Variants in SV2C observed in about 807,000 individuals in gnomAD.
The protein encoded by SV2C is synaptic vesicle glycoprotein 2C, also known as solute carrier family 22 member B3.
SV2C carries 49 observed loss-of-function variants against 79.7 expected under a neutral mutation model. The observed-to-expected ratio is 0.61, with a 90% CI of 0.49 to 0.78. The LOEUF (loss-of-function observed/expected upper bound fraction) is 0.78, where lower values mean the gene tolerates loss of function less well. SV2C is among the 30% of genes least tolerant of loss of function. SV2C has a pLI of 0.00. For missense variants in SV2C, 833 were observed against 912.9 expected, an observed-to-expected ratio of 0.91 and a Z score of 1.13; for synonymous variants, 334 against 333.2, an observed-to-expected ratio of 1.00 and a Z score of -0.03.
chr5:75,913,694 G>C, the SV2C span, among the ~76,000 whole-genome samples: 1 of 152,168 alleles, frequency 6.6e-6, no homozygotes, highest in Non-Finnish European at 1.5e-5. Context: ...GTGTTGAAAA[G>C]TAACTGGGGA....
chr5:76,128,541 G>T (rs1393866013), intron 1 of SV2C, among the ~76,000 whole-genome samples: 1 of 152,196 alleles, frequency 6.6e-6, no homozygotes, highest in Non-Finnish European at 1.5e-5. Flanking sequence ...ATTTGAGCTT[G>T]AGTCCGGCAT....
intron 2 of SV2C, among the ~76,000 whole-genome samples, chr5:76,193,278 G>A (rs1172420859): frequency 6.6e-6 from 1 of 152,112 alleles, no homozygotes; most frequent in African/African-American, 2.4e-5. Context: ...TATTCTCAGG[G>A]GTCTGAAAGT....
At chr5:76,158,632 A>T (rs1300153850) in intron 2 of SV2C, among the ~76,000 whole-genome samples, 1 of 152,028 alleles carries the variant, frequency 6.6e-6, no homozygotes, top group Non-Finnish European at 1.5e-5. Flanking sequence ...TTCAAGAGGG[A>T]TATAACAACT....
chr5:76,062,486 T>G, the SV2C span, among the ~76,000 whole-genome samples: 2 of 152,132 alleles, frequency 1.3e-5, no homozygotes, highest in African/African-American at 2.4e-5. Context: ...TGTTGGATTT[T>G]CCAGACTCCA....
the SV2C span, among the ~76,000 whole-genome samples, chr5:76,062,090 C>T: frequency 6.6e-6 from 1 of 151,874 alleles, no homozygotes; most frequent in Non-Finnish European, 1.5e-5. Flanking sequence ...GCTGCCATTT[C>T]AATCTAATAG....
At chr5:76,119,425 G>C (rs1748405528) in intron 1 of SV2C, among the ~76,000 whole-genome samples, 1 of 152,160 alleles carries the variant, frequency 6.6e-6, no homozygotes, top group Non-Finnish European at 1.5e-5. Flanking sequence ...CAGTGTGTGG[G>C]AGCTGACACT....
chr5:76,068,697 A>G, the SV2C span, among the ~76,000 whole-genome samples: 1 of 152,216 alleles, frequency 6.6e-6, no homozygotes, highest in Admixed American at 6.5e-5. Context: ...AAAACATTCC[A>G]AGAAGAATGA....
intron 1 of SV2C, among the ~76,000 whole-genome samples, chr5:76,106,469 TACTC>T (rs1747922462): frequency 2.0e-5 from 3 of 152,222 alleles, no homozygotes; most frequent in African/African-American, 7.2e-5. Context: ...CTCCTCTGCA[TACTC>T]ACAGTAAAAG....
chr5:76,173,649 A>C (rs1423838766), intron 2 of SV2C: 1 of 1,613,170 alleles, frequency 6.2e-7, no homozygotes, highest in African/African-American at 1.3e-5. Context: ...TGACATGATG[A>C]CTTTTTGCGA....
chr5:76,126,074 T>C (rs1240644467), intron 1 of SV2C, among the ~76,000 whole-genome samples: 1 of 151,854 alleles, frequency 6.6e-6, no homozygotes, highest in Non-Finnish European at 1.5e-5. Flanking sequence ...AAAAACCCAA[T>C]AACATTACTT....
At position 76,307,596 on chromosome 5, in the gene SV2C, G is replaced by T. The variant is rs75938484; in HGVS notation, c.2000+6051G>T. ...GGCCTCCCGTAAAATTTAACTATTTGAATACTTTTTCAGTGCTGCCCTTTT... is the reference window on the plus strand; with the variant it reads ...GGCCTCCCGTAAAATTTAACTATTTTAATACTTTTTCAGTGCTGCCCTTTT... On this transcript the variant is annotated intron_variant, in intron 12 of 12. Transcript: ENST00000502798. 1.0e-3 allele frequency among the ~76,000 whole-genome samples: 152 copies of T among 152,240 alleles called. No homozygotes were observed. In the East Asian group the frequency reaches 0.016, roughly 16 times the overall value.
chr5:76,238,065 C>CACACAT (rs1468572481), intron 4 of SV2C, among the ~76,000 whole-genome samples: 9 of 67,674 alleles, frequency 1.3e-4, no homozygotes, highest in East Asian at 9.4e-4. Context: ...CACACACACA[C>CACACAT]ATATATATAC....
chr5:75,966,174 T>C, the SV2C span, among the ~76,000 whole-genome samples: 2 of 152,232 alleles, frequency 1.3e-5, no homozygotes, highest in African/African-American at 4.8e-5. Flanking sequence ...CTGAAGTAAC[T>C]CCTGGGAGTT....
At chr5:76,035,201 C>T in the SV2C span, among the ~76,000 whole-genome samples, 1 of 151,066 alleles carries the variant, frequency 6.6e-6, no homozygotes, top group Non-Finnish European at 1.5e-5. Flanking sequence ...AAAACCAGCT[C>T]CTGGATTCGT....
chr5:75,970,595 A>T, the SV2C span, among the ~76,000 whole-genome samples: 1 of 152,182 alleles, frequency 6.6e-6, no homozygotes, highest in Non-Finnish European at 1.5e-5. Context: ...AAATTCCTCG[A>T]CACATACACT....
At chr5:76,320,774 C>A (rs897553750) in intron 12 of SV2C, among the ~76,000 whole-genome samples, 1 of 152,030 alleles carries the variant, frequency 6.6e-6, no homozygotes, top group Non-Finnish European at 1.5e-5. Flanking sequence ...GTGGTTGCTG[C>A]CATTACTAGT....
chr5:75,910,325 T>G, the SV2C span: 1 of 542,230 alleles, frequency 1.8e-6, no homozygotes. Context: ...TTGCTCCTCG[T>G]AGTCTTCCCA....
At chr5:76,012,192 C>T in the SV2C span, among the ~76,000 whole-genome samples, 1 of 152,302 alleles carries the variant, frequency 6.6e-6, no homozygotes, top group Non-Finnish European at 1.5e-5. Flanking sequence ...CCACTGTCTT[C>T]CACAATGGTT....
At chr5:75,936,568 T>C in the SV2C span, among the ~76,000 whole-genome samples, 18 of 152,160 alleles carry the variant, frequency 1.2e-4, 1 homozygote, top group Admixed American at 1.2e-3. Context: ...TTGTGGACAG[T>C]GACATATGGG....
Sources: allele counts gnomAD v4.1 joint callset (sites outside exome capture counted in the v4.1 genomes callset), GRCh38; gene constraint gnomAD v4.1.1; transcripts MANE v1.5; gene names NCBI Gene and HGNC (gene_info 2026-07-23, HGNC 2026-07-21).